The following MAD1L1 variants were observed in gnomAD, a reference collection of about 807,000 sequenced individuals.
The protein encoded by MAD1L1 is mitotic spindle assembly checkpoint protein MAD1.
MAD1L1 carries 95 observed loss-of-function variants against 96.9 expected under a neutral mutation model. The observed-to-expected ratio is 0.98, with a 90% CI of 0.83 to 1.16. The LOEUF (loss-of-function observed/expected upper bound fraction) is 1.16. MAD1L1 is among the 50% of genes most tolerant of loss of function. MAD1L1 has a pLI of 0.00. For synonymous variants in MAD1L1, 473 were observed against 396.6 expected (o/e 1.19, Z -2.29); for missense variants, 1,007 against 954.4 (o/e 1.06, Z -0.73).
At chr7:1,937,407 T>C (rs562673469) in intron 16 of MAD1L1, among the ~76,000 whole-genome samples, 12 of 152,318 alleles carry the variant, frequency 7.9e-5, no homozygotes, top group African/African-American at 2.6e-4. Flanking sequence ...GGCTCAGGAA[T>C]GCGCCTCGCA....
chr7:2,198,194 G>A (rs1035311345), intron 10 of MAD1L1, among the ~76,000 whole-genome samples: 5 of 151,798 alleles, frequency 3.3e-5, no homozygotes, highest in East Asian at 1.9e-4. Flanking sequence ...AGGCTCAAGC[G>A]ATCCTCCCAC....
In MAD1L1 at chr7:1,841,073, C is replaced by T. The variant is rs1228493430; in HGVS notation, c.1999-24845G>A. Among the ~76,000 whole-genome samples the T allele has an allele frequency of 1.3e-5, 2 of 152,206 alleles. 1 individual carries two copies. The highest frequency in any genetic ancestry group is 2.9e-5 in the Non-Finnish European group (2 of 68,042). Reference sequence around the variant, plus strand: ...AGATGTGACCAAGGCCGCTCCCGGGCCGGCTCTACTCTGTGGGGGGCAGGT... The same window carrying T: ...AGATGTGACCAAGGCCGCTCCCGGGTCGGCTCTACTCTGTGGGGGGCAGGT... On this transcript the variant is annotated intron_variant, in intron 18 of 18. Coordinates refer to ENST00000265854, the MANE Select transcript of MAD1L1 (RefSeq NM_001013836.2).
chr7:2,065,282 G>A (rs577495583), intron 12 of MAD1L1, among the ~76,000 whole-genome samples: 3 of 152,108 alleles, frequency 2.0e-5, no homozygotes, highest in East Asian at 3.9e-4. Flanking sequence ...TGCACCCAGC[G>A]AATACAGACA....
At chr7:2,115,320 G>A (rs1159204629) in intron 11 of MAD1L1, among the ~76,000 whole-genome samples, 1 of 146,666 alleles carries the variant, frequency 6.8e-6, no homozygotes, top group East Asian at 2.0e-4. Flanking sequence ...AGGCTGGACA[G>A]GGTCCCCACG....
At chr7:1,817,496 C>A (rs192302829) in intron 18 of MAD1L1, 14 of 152,236 alleles carry the variant, frequency 9.2e-5, no homozygotes, top group African/African-American at 3.4e-4. Flanking sequence ...CTCTGATACA[C>A]GCTGCCACGC....
At chr7:1,842,717 A>G (rs1428110119) in intron 18 of MAD1L1, among the ~76,000 whole-genome samples, 1 of 151,762 alleles carries the variant, frequency 6.6e-6, no homozygotes, top group Admixed American at 6.6e-5. Context: ...TCCACCTCCC[A>G]CTCCTCACCT....
At chr7:1,904,110 A>T (rs12665873) in intron 17 of MAD1L1, among the ~76,000 whole-genome samples, 1,198 of 32,718 alleles carry the variant, frequency 0.037, no homozygotes, top group Middle Eastern at 0.1. Flanking sequence ...GCGGAACTCA[A>T]GATTGATCAA....
chr7:2,190,318 T>C (rs1020001928), intron 10 of MAD1L1, among the ~76,000 whole-genome samples: 5 of 152,166 alleles, frequency 3.3e-5, no homozygotes, highest in Non-Finnish European at 5.9e-5. Flanking sequence ...ATACGTATTG[T>C]GGGGCAGGAA....
At chr7:2,139,245 A>G (rs1249412433) in intron 11 of MAD1L1, among the ~76,000 whole-genome samples, 1 of 152,066 alleles carries the variant, frequency 6.6e-6, no homozygotes, top group East Asian at 1.9e-4. Flanking sequence ...CGACCCCCTG[A>G]GCCAGCAATG....
At chr7:1,838,934 G>A (rs1259808840) in intron 18 of MAD1L1, 3 of 429,412 alleles carry the variant, frequency 7.0e-6, no homozygotes, top group South Asian at 3.4e-5. Context: ...AGGACAGAGT[G>A]TGCAAAGACA....
At chr7:2,178,252 TCTTA>T (rs1414258828) in intron 10 of MAD1L1, among the ~76,000 whole-genome samples, 13 of 152,348 alleles carry the variant, frequency 8.5e-5, no homozygotes, top group African/African-American at 2.9e-4. Flanking sequence ...ATTCAGAAAC[TCTTA>T]CTGAGTCTCC....
At chr7:1,905,146 T>G (rs1228717059) in intron 17 of MAD1L1, among the ~76,000 whole-genome samples, 1 of 89,404 alleles carries the variant, frequency 1.1e-5, no homozygotes, top group Non-Finnish European at 2.4e-5. Flanking sequence ...GCGGAATTCA[T>G]GATTGATGAA....
chr7:1,916,197 G>T (rs915626918), intron 17 of MAD1L1, among the ~76,000 whole-genome samples: 1 of 152,166 alleles, frequency 6.6e-6, no homozygotes, highest in Non-Finnish European at 1.5e-5. Context: ...ATGCAAACGG[G>T]TGAAGCCGCC....
intron 11 of MAD1L1, chr7:2,079,783 C>T (rs1171826182): frequency 1.1e-5 from 5 of 470,290 alleles, no homozygotes; most frequent in African/African-American, 4.0e-5. Context: ...AATTCACTTC[C>T]GCCCCAGGCT....
chr7:1,851,129 G>A (rs574870053), intron 18 of MAD1L1, among the ~76,000 whole-genome samples: 2 of 152,332 alleles, frequency 1.3e-5, no homozygotes, highest in African/African-American at 4.8e-5. Context: ...CACTCATGTG[G>A]CCCTCCCAGC....
intron 18 of MAD1L1, among the ~76,000 whole-genome samples, chr7:1,876,253 T>C (rs1238806333): frequency 6.6e-6 from 1 of 152,080 alleles, no homozygotes; most frequent in Non-Finnish European, 1.5e-5. Flanking sequence ...ATTGGTCATG[T>C]TAAACCAGCT....
chr7:2,034,454 A>G (rs1783374684), intron 12 of MAD1L1, among the ~76,000 whole-genome samples: 2 of 152,174 alleles, frequency 1.3e-5, no homozygotes, highest in African/African-American at 4.8e-5. Flanking sequence ...GAGCTCAGGC[A>G]ATCCACCCGT....
intron 11 of MAD1L1, among the ~76,000 whole-genome samples, chr7:2,085,968 C>T (rs1392147533): frequency 6.6e-6 from 1 of 152,216 alleles, no homozygotes; most frequent in Non-Finnish European, 1.5e-5. Flanking sequence ...ACTTCACAGG[C>T]CCATCAGGCA....
At chr7:2,001,818 C>T (rs964149197) in intron 14 of MAD1L1, among the ~76,000 whole-genome samples, 2 of 152,248 alleles carry the variant, frequency 1.3e-5, no homozygotes, top group East Asian at 3.8e-4. Flanking sequence ...ATGTCACTGG[C>T]CCCCTGCCAC....
Sources: gnomAD v4.1 joint callset for allele counts (sites outside exome capture counted in the v4.1 genomes callset) on GRCh38, gnomAD v4.1.1 for gene constraint, MANE v1.5 for transcripts, NCBI Gene and HGNC (gene_info 2026-07-23, HGNC 2026-07-21) for gene names.